The following LRRTM4 variants were observed in gnomAD, a reference collection of about 807,000 sequenced individuals.
The protein encoded by LRRTM4 is leucine rich repeat transmembrane neuronal 4.
Under a neutral mutation model 47.6 loss-of-function variants are expected in LRRTM4, and 25 were observed. The observed-to-expected ratio is 0.53, with a 90% CI of 0.38 to 0.73. The LOEUF (loss-of-function observed/expected upper bound fraction) is 0.73. Ranked by LOEUF, LRRTM4 falls within the 30% of genes least tolerant of loss-of-function variation. The pLI is 0.00. For synonymous variants in LRRTM4, 311 were observed against 269.5 expected, an observed-to-expected ratio of 1.15 and a Z score of -1.51; for missense variants, 638 against 713.4, an observed-to-expected ratio of 0.89 and a Z score of 1.20.
chr2:77,504,820 C>G (rs1327026953), intron 3 of LRRTM4, among the ~76,000 whole-genome samples: 2 of 151,238 alleles, frequency 1.3e-5, no homozygotes, highest in African/African-American at 4.8e-5. Flanking sequence ...GTTATACATG[C>G]TAAATTTTCA....
intron 3 of LRRTM4, among the ~76,000 whole-genome samples, chr2:77,226,246 G>A (rs1478944087): frequency 6.6e-6 from 1 of 151,820 alleles, no homozygotes; most frequent in East Asian, 1.9e-4. Flanking sequence ...ATCTGCCAGA[G>A]AATTATTTCC....
rs200328327 is a variant in LRRTM4 at position 76,748,805 on chromosome 2, G to C, written c.1663C>G (p.Pro555Ala). ...AGGCCGGGGCTTTCGTCCTGCTCTG[G>C]AGACACTGTCTCATAGCCCTTGGTG... ...HVTKGYETVS[P>A]EQDESPGLEL... is the part of the protein sequence containing the mutation. Residue 555 changes from proline to alanine, a missense_variant, in exon 4 of 4, where the codon CCA (proline) becomes GCA (alanine). Pro to Ala is a conservative substitution (Grantham distance 27, BLOSUM62 -1). Coordinates refer to ENST00000409884, the MANE Select transcript of LRRTM4 (RefSeq NM_001134745.3). 724 of 1,614,010 alleles carry C rather than the reference G, an allele frequency of 4.5e-4. 2 individuals carry two copies. Among genetic ancestry groups the C allele is most frequent in the Non-Finnish European group, 5.3e-4 (625 of 1,179,888 alleles).
At chr2:77,496,368 T>C (rs1439594753) in intron 3 of LRRTM4, among the ~76,000 whole-genome samples, 1 of 151,808 alleles carries the variant, frequency 6.6e-6, no homozygotes, top group Non-Finnish European at 1.5e-5. Context: ...TAATGTCATA[T>C]AGGGTGGTGA....
intron 3 of LRRTM4, among the ~76,000 whole-genome samples, chr2:77,111,101 G>A (rs1671235111): frequency 6.6e-6 from 1 of 151,844 alleles, no homozygotes. Flanking sequence ...GTAATTCCCT[G>A]TTTTTTGTTT....
Position 76,886,075 on chromosome 2 carries a change from G to C in LRRTM4, c.1552-137159C>G, listed in dbSNP as rs183043565. Among the ~76,000 whole-genome samples the C allele has an allele frequency of 3.1e-3, 467 of 152,218 alleles. 3 individuals are homozygous for C. Among genetic ancestry groups the C allele is most frequent in the African/African-American group, 0.011 (444 of 41,544 alleles). On this transcript the variant is annotated intron_variant, in intron 3 of 3. Transcript: ENST00000409884. Reference sequence around the variant, plus strand: ...TATCACAACAAGTGTTAAGCTGAAAGATATTTGCGAAAATCATCATCCTGA... The same window carrying C: ...TATCACAACAAGTGTTAAGCTGAAACATATTTGCGAAAATCATCATCCTGA...
chr2:77,312,961 C>T (rs1346837032), intron 3 of LRRTM4, among the ~76,000 whole-genome samples: 2 of 152,082 alleles, frequency 1.3e-5, no homozygotes, highest in Admixed American at 6.5e-5. Flanking sequence ...AGGGTGCATG[C>T]CAAGAGTTAG....
At chr2:76,926,303 AAC>A (rs757144114) in intron 3 of LRRTM4, among the ~76,000 whole-genome samples, 2 of 152,258 alleles carry the variant, frequency 1.3e-5, no homozygotes, top group South Asian at 2.1e-4. Flanking sequence ...TACAAAGAAA[AAC>A]AGTTTCAACA....
intron 3 of LRRTM4, among the ~76,000 whole-genome samples, chr2:77,453,581 TATAAC>T (rs1393445721): frequency 6.6e-6 from 1 of 152,206 alleles, no homozygotes; most frequent in African/African-American, 2.4e-5. Flanking sequence ...AGTTGATCCT[TATAAC>T]ATAATGATCA....
At chr2:76,990,258 C>T (rs1676956121) in intron 3 of LRRTM4, among the ~76,000 whole-genome samples, 1 of 151,686 alleles carries the variant, frequency 6.6e-6, no homozygotes, top group Non-Finnish European at 1.5e-5. Context: ...ATAAAAACTA[C>T]AAAATGACCA....
rs145383236 is a variant in LRRTM4, at chr2:77,283,905, GC to G, written c.1551+234412del. On this transcript the variant is annotated intron_variant, in intron 3 of 3. Transcript: ENST00000409884. ...GTACCTGAGTGATGGGGTCATTTGT[GC>G]CCCAAACCTCAGCATTACTCAATAT... Among the ~76,000 whole-genome samples, 1,071 of 152,026 alleles carry G rather than the reference GC, an allele frequency of 7.0e-3. 9 individuals carry two copies. Among genetic ancestry groups the G allele is most frequent in the African/African-American group, 0.025 (1,027 of 41,518 alleles).
chr2:77,044,753 CAT>C (rs1169211392), intron 3 of LRRTM4, among the ~76,000 whole-genome samples: 2 of 151,266 alleles, frequency 1.3e-5, no homozygotes, highest in Non-Finnish European at 3.0e-5. Flanking sequence ...TATAGACAGA[CAT>C]ATATAAATAT....
intron 3 of LRRTM4, among the ~76,000 whole-genome samples, chr2:76,773,804 G>A (rs985840479): frequency 3.3e-5 from 5 of 150,376 alleles, no homozygotes; most frequent in Non-Finnish European, 5.9e-5. Flanking sequence ...AAAGTTTTTG[G>A]CATTTTTTTT....
chr2:76,944,420 G>C (rs1675255876), intron 3 of LRRTM4, among the ~76,000 whole-genome samples: 1 of 152,002 alleles, frequency 6.6e-6, no homozygotes, highest in African/African-American at 2.4e-5. Context: ...CAAAAATATT[G>C]AAAGCTTTCC....
intron 3 of LRRTM4, among the ~76,000 whole-genome samples, chr2:77,446,214 C>T (rs1325159028): frequency 6.6e-6 from 1 of 151,796 alleles, no homozygotes; most frequent in Non-Finnish European, 1.5e-5. Flanking sequence ...CATGTTTCTC[C>T]ATCTTGGCAC....
chr2:76,971,386 A>G (rs1361196871), intron 3 of LRRTM4, among the ~76,000 whole-genome samples: 7 of 152,166 alleles, frequency 4.6e-5, no homozygotes, highest in African/African-American at 1.7e-4. Context: ...GTGACAGGCA[A>G]TTGGTGAGAG....
intron 3 of LRRTM4, among the ~76,000 whole-genome samples, chr2:77,389,196 C>G (rs1391737154): frequency 2.0e-5 from 3 of 152,150 alleles, no homozygotes; most frequent in Admixed American, 2.0e-4. Flanking sequence ...CAATCCAACT[C>G]TAATTAACTA....
chr2:77,338,449 A>G (rs1188208187), intron 3 of LRRTM4, among the ~76,000 whole-genome samples: 1 of 152,154 alleles, frequency 6.6e-6, no homozygotes, highest in African/African-American at 2.4e-5. Context: ...GACACTTTTC[A>G]AAAAAAGACA....
At chr2:77,037,560 CAAAGA>C (rs57362613) in intron 3 of LRRTM4, among the ~76,000 whole-genome samples, 21,173 of 151,442 alleles carry the variant, frequency 0.14, 1,685 homozygotes, top group African/African-American at 0.22. Flanking sequence ...GTTTTATTAC[CAAAGA>C]AAAGCCTCAC....
At chr2:77,444,103 T>C (rs1477619027) in intron 3 of LRRTM4, among the ~76,000 whole-genome samples, 1 of 152,114 alleles carries the variant, frequency 6.6e-6, no homozygotes, top group Non-Finnish European at 1.5e-5. Flanking sequence ...TACAAGAAGG[T>C]TGGCATAGCA....
Sources: allele counts gnomAD v4.1 joint callset (sites outside exome capture counted in the v4.1 genomes callset), GRCh38; gene constraint gnomAD v4.1.1; transcripts MANE v1.5; gene names NCBI Gene and HGNC (gene_info 2026-07-23, HGNC 2026-07-21).